The following SIPA1 variants were observed in gnomAD, a reference collection of about 807,000 sequenced individuals.
SIPA1 encodes the protein signal-induced proliferation-associated protein 1.
In SIPA1, 51 loss-of-function variants were observed where a neutral mutation model predicts 88.1. The observed-to-expected ratio is 0.58, with a 90% CI of 0.46 to 0.73. The LOEUF is 0.73. SIPA1 is among the 30% of genes least tolerant of loss of function. The pLI is 0.00. For missense variants in SIPA1, 1,348 were observed against 1,467.6 expected (o/e 0.92, Z 1.33); for synonymous variants, 681 against 664.8 (o/e 1.02, Z -0.37).
At position 65,646,778 on chromosome 11, in the gene SIPA1, G is replaced by C. The variant is rs1238283931; in HGVS notation, c.1744G>C (p.Val582Leu). 7.1e-7 allele frequency: 1 copy of C among 1,412,498 alleles called. No individual in the cohort carries two copies. The highest frequency in any genetic ancestry group is 3.2e-5 in the Admixed American group (1 of 31,584). The allele number at this position is 1,412,498 out of a possible 1,614,324, so 87.5% of individuals were successfully genotyped here. The stretch of plus-strand genomic sequence containing the variant: ...CGAGCTGCAGGCAGCGGGCTCACTG[G>C]TGTGGGGAGTGCGCGCGGCGCCCGG... ...GAELQAAGSL[V>L]WGVRAAPGAR... Residue 582 changes from valine to leucine, a missense_variant, in exon 8 of 16, where the codon GTG (valine) becomes CTG (leucine). This residue lies in a region of SIPA1 where 68 missense variants were observed against 59.0 expected (regional missense o/e 1.15). Coordinates refer to ENST00000534313, the MANE Select transcript of SIPA1 (RefSeq NM_006747.4). This position sits in a 1 kb window ranked among gnomAD's most constrained non-coding sequence, Gnocchi z 7.5.
Position 65,650,576 on chromosome 11 carries a change from C to T in SIPA1, c.2990C>T (p.Ala997Val), listed in dbSNP as rs763702130. 3.1e-6 allele frequency: 5 copies of T among 1,600,854 alleles called. No individual in the cohort carries two copies. The highest frequency in any genetic ancestry group is 4.3e-6 in the Non-Finnish European group (5 of 1,173,508). ...KLQEDLQKEK[A>V]DRAALEEEVR... ...GTCTCCCCGGCACCCCAGGAGAAGG[C>T]GGACAGGGCGGCCCTGGAGGAGGAG... The change falls in exon 16 of 16, where the codon GCG (alanine) becomes GTG (valine). Residue 997 changes from alanine (A) to valine (V), a missense_variant. Around this residue, in one of 4 missense-constraint regions of SIPA1, gnomAD observed 615 missense variants for 559.8 expected, o/e 1.10. Transcript: ENST00000534313.
chr11:65,641,529 G>C lies in SIPA1; in HGVS notation c.608G>C (p.Arg203Pro), dbSNP rs766450213. ...AVSILEEPQNRTSAYSLEHAD... is the reference protein window; with the variant it reads ...AVSILEEPQNPTSAYSLEHAD... ...TCCATCCTGGAGGAGCCACAGAACC[G>C]AACCTCGGCCTACAGCCTGGAGCAC... Residue 203 changes from arginine (R) to proline (P), a missense_variant, in exon 2 of 16, where the codon CGA becomes CCA. By Grantham distance (103) the Arg-to-Pro change is moderately radical. This residue lies in a region of SIPA1 where 641 missense variants were observed against 797.7 expected (regional missense o/e 0.80). Transcript: ENST00000534313. 6.2e-7 allele frequency: 1 copy of C among 1,612,372 alleles called. No homozygotes were observed. The highest frequency in any genetic ancestry group is 1.1e-5 in the South Asian group (1 of 91,078).
rs1206032494 is a variant in SIPA1 at position 65,642,487 on chromosome 11, T to C, written c.832T>C (p.Ser278Pro). Reference protein sequence around the residue: ...TQLRTLRGTISEDALPPGPPR... With the variant: ...TQLRTLRGTIPEDALPPGPPR... The stretch of plus-strand genomic sequence containing the variant: ...GCTCCGGACACTCCGTGGCACCATC[T>C]CGGAGGACGCGCTGCCGCCGGGGCC... The change falls in exon 4 of 16, where the codon TCG (serine) becomes CCG (proline). Residue 278 changes from serine to proline, a missense_variant. Physicochemically the swap from Ser to Pro is moderately conservative, Grantham distance 74. Coordinates refer to ENST00000534313, the MANE Select transcript of SIPA1 (RefSeq NM_006747.4). The surrounding 1 kb of genome is among the most constrained non-coding windows in gnomAD (Gnocchi z 6.5). 1.9e-6 allele frequency: 3 copies of C among 1,611,360 alleles called. No homozygotes were observed. The highest frequency in any genetic ancestry group is 2.5e-6 in the Non-Finnish European group (3 of 1,179,590).
rs1006962232 is a variant in SIPA1, at chr11:65,646,040, G to T, written c.1263+83G>T. ...GGCCCATGACGTTTGAGCTTTGGCC[G>T]GAGCTCTGTTGGCCCCAACAGCCCG... On this transcript the variant is annotated intron_variant, in intron 6 of 15. Coordinates refer to ENST00000534313, the MANE Select transcript of SIPA1 (RefSeq NM_006747.4). The surrounding 1 kb of genome is among the most constrained non-coding windows in gnomAD (Gnocchi z 7.5). 1 of 1,303,302 alleles carries T rather than the reference G, an allele frequency of 7.7e-7. No individual in the cohort carries two copies. Among genetic ancestry groups the T allele is most frequent in the South Asian group, 1.3e-5 (1 of 77,506 alleles). The allele number at this position is 1,303,302 out of a possible 1,614,324, so 80.7% of individuals were successfully genotyped here.
chr11:65,647,090 C>G (rs1297510926), intron 8 of SIPA1, 25 bp downstream of exon 8: 1 of 1,483,768 alleles, frequency 6.7e-7, no homozygotes, highest in Admixed American at 2.3e-5. Context: ...TAAACTGGGG[C>G]CCCTGCGCGC....
chr11:65,650,750 G>A lies in SIPA1; in HGVS notation c.*35G>A. 6.6e-7 allele frequency: 1 copy of A among 1,522,240 alleles called. No individual in the cohort carries two copies. The highest frequency in any genetic ancestry group is 8.8e-7 in the Non-Finnish European group (1 of 1,132,496). The allele number at this position is 1,522,240 out of a possible 1,614,324, so 94.3% of individuals were successfully genotyped here. On this transcript the variant is annotated 3_prime_UTR_variant, in exon 16 of 16. Transcript: ENST00000534313. Reference sequence around the variant, plus strand: ...AACCACCTGGGCCCCTGAGGGCACTGTGGTCACACTGGGCCCTCCTCAGGA... The same window carrying A: ...AACCACCTGGGCCCCTGAGGGCACTATGGTCACACTGGGCCCTCCTCAGGA...
chr11:65,649,803 C>T lies in SIPA1; in HGVS notation c.2684C>T (p.Ala895Val), dbSNP rs1171742249. Residue 895 changes from alanine (A) to valine (V), a missense_variant, in exon 12 of 16, where the codon GCG becomes GTG. By Grantham distance (64) the Ala-to-Val change is moderately conservative. Coordinates refer to ENST00000534313, the MANE Select transcript of SIPA1 (RefSeq NM_006747.4). ...GGCTCTGAGGACAAGGGCAACCCGG[C>T]GCCGGAGCTGAGGGCCTCCTTTCTG... ...PSGSEDKGNP[A>V]PELRASFLPR... 9.3e-6 allele frequency: 15 copies of T among 1,613,936 alleles called. No individual in the cohort carries two copies. Among genetic ancestry groups the T allele is most frequent in the Middle Eastern group, 1.6e-4 (1 of 6,084 alleles).
intron 1 of SIPA1, chr11:65,639,315 G>A (rs1855959904): frequency 1.3e-5 from 2 of 152,360 alleles, no homozygotes; most frequent in South Asian, 4.1e-4. Context: ...CACCATGTTA[G>A]CTAGGCTGGT....
chr11:65,650,200 C>T lies in SIPA1; in HGVS notation c.2903+8C>T, dbSNP rs1488804426. The stretch of plus-strand genomic sequence containing the variant: ...TCCAAAATCTGATGCTGAGTAAGCT[C>T]CCCAACTCCCCACAGCCGCTTTACC... On this transcript the variant is annotated splice_region_variant and intron_variant, in intron 14 of 15. Coordinates refer to ENST00000534313, the MANE Select transcript of SIPA1 (RefSeq NM_006747.4). The T allele has an allele frequency of 5.0e-6, 8 of 1,613,790 alleles. No individual in the cohort carries two copies. Among genetic ancestry groups the T allele is most frequent in the Non-Finnish European group, 6.8e-6 (8 of 1,179,838 alleles).
In SIPA1 at chr11:65,650,355, T is replaced by C. The variant is rs369121123; in HGVS notation, c.2904-46T>C. 29 of 1,596,644 alleles carry C rather than the reference T, an allele frequency of 1.8e-5. No homozygotes were observed. The African/African-American group carries it at 3.1e-4, about 17-fold the overall frequency. Reference sequence around the variant, plus strand: ...TGGGGCTGGGAGTCAGCTGGTGCACTGCCCCCTGCCTTGGTCCTGCTGAGT... The same window carrying C: ...TGGGGCTGGGAGTCAGCTGGTGCACCGCCCCCTGCCTTGGTCCTGCTGAGT... On this transcript the variant is annotated intron_variant, in intron 14 of 15. Coordinates refer to ENST00000534313, the MANE Select transcript of SIPA1 (RefSeq NM_006747.4).
Position 65,644,193 on chromosome 11 carries a change from G to T in SIPA1, c.985-762G>T, listed in dbSNP as rs150008920. ...AAAAGGCCCGGGGTTTGGTAGGCCGGTCTGAATGGGAGGCGGAGATGGGGG... is the reference window on the plus strand; with the variant it reads ...AAAAGGCCCGGGGTTTGGTAGGCCGTTCTGAATGGGAGGCGGAGATGGGGG... On this transcript the variant is annotated intron_variant, in intron 4 of 15. Coordinates refer to ENST00000534313, the MANE Select transcript of SIPA1 (RefSeq NM_006747.4). Among the ~76,000 whole-genome samples, 703 of 151,708 alleles carry T rather than the reference G, an allele frequency of 4.6e-3. 4 individuals carry two copies. Among genetic ancestry groups the T allele is most frequent in the Middle Eastern group, 6.8e-3 (2 of 292 alleles).
chr11:65,650,717 C>A lies in SIPA1; in HGVS notation c.*2C>A. 1 of 1,566,216 alleles carries A rather than the reference C, an allele frequency of 6.4e-7. No individual in the cohort carries two copies. The highest frequency in any genetic ancestry group is 8.7e-7 in the Non-Finnish European group (1 of 1,155,666). On this transcript the variant is annotated 3_prime_UTR_variant, in exon 16 of 16. Coordinates refer to ENST00000534313, the MANE Select transcript of SIPA1 (RefSeq NM_006747.4). ...TCACCCACCGCCGACCTGGCCTGAG[C>A]CGTCTGGAACCACCTGGGCCCCTGA... is the stretch of plus-strand genomic sequence containing the variant.
At position 65,647,287 on chromosome 11, in the gene SIPA1, G is replaced by A. The variant is rs1037895035; in HGVS notation, c.2032-97G>A. On this transcript the variant is annotated intron_variant, in intron 8 of 15. Transcript: ENST00000534313. ...GCACACGCGGCCCTCGGGGACTGTGGAAAGTTCCGTGTGGCCTGGGACGCA... is the reference window on the plus strand; with the variant it reads ...GCACACGCGGCCCTCGGGGACTGTGAAAAGTTCCGTGTGGCCTGGGACGCA... 2.3e-5 allele frequency: 31 copies of A among 1,373,682 alleles called. No individual in the cohort carries two copies. In the Admixed American group the frequency reaches 7.6e-4, roughly 34 times the overall value. 85.1% of individuals were successfully genotyped at this position (1,373,682 alleles called of 1,614,324 possible). A position where few individuals can be genotyped will look rare whatever the true frequency, so the allele number is the denominator to read the frequency against.
At chr11:65,638,527 C>T (rs1310025098) in intron 1 of SIPA1, 1 of 152,270 alleles carries the variant, frequency 6.6e-6, no homozygotes, top group Admixed American at 6.5e-5. Flanking sequence ...GGCTCCTCTT[C>T]TTCTTAGGCG....
rs369872865 is a variant in SIPA1 at position 65,649,676 on chromosome 11, A to G, written c.2637+4A>G. The G allele has an allele frequency of 1.9e-6, 3 of 1,613,900 alleles. No homozygotes were observed. In the African/African-American group the frequency reaches 4.0e-5, roughly 22 times the overall value. On this transcript the variant is annotated splice_donor_region_variant and intron_variant, in intron 11 of 15. Transcript: ENST00000534313. ...CAGTGAGACACCCCTGACCCAGGTG[A>G]GCAGAAACCAGGCTCTGGAGCCCAA...
At position 65,647,013 on chromosome 11, in the gene SIPA1, G is replaced by A. The variant is rs1426473363; in HGVS notation, c.1979G>A (p.Arg660His). ...GGCCGCGGGGAGGCGATCACGCTGCGCTTCGACGGGTCCCCCGGCCAAGCC... is the reference window on the plus strand; with the variant it reads ...GGCCGCGGGGAGGCGATCACGCTGCACTTCGACGGGTCCCCCGGCCAAGCC... ...YHGRGEAITL[R>H]FDGSPGQAVG... The change falls in exon 8 of 16, where the codon CGC becomes CAC. Residue 660 changes from arginine (R) to histidine (H), a missense_variant. Physicochemically the swap from Arg to His is conservative, Grantham distance 29 (BLOSUM62 0). This residue lies in a region of SIPA1 where 615 missense variants were observed against 559.8 expected (regional missense o/e 1.10). Transcript: ENST00000534313. 1 of 1,539,766 alleles carries A rather than the reference G, an allele frequency of 6.5e-7. No homozygotes were observed. The highest frequency in any genetic ancestry group is 2.0e-5 in the Admixed American group (1 of 50,856).
rs752373358 is a variant in SIPA1, at chr11:65,647,338, C to G, written c.2032-46C>G. ...GTCCAGGGGGCGGGCGCTGGGGCGG[C>G]CCCACCTCCCGGCAGCCCCGCCCAC... On this transcript the variant is annotated intron_variant, in intron 8 of 15. Transcript: ENST00000534313. 541 of 1,373,008 alleles carry G rather than the reference C, an allele frequency of 3.9e-4. 2 individuals are homozygous for G. The Admixed American group carries it at 5.8e-3, about 15-fold the overall frequency. 85.1% of individuals were successfully genotyped at this position (1,373,008 alleles called of 1,614,324 possible). A position where few individuals can be genotyped will look rare whatever the true frequency, so the allele number is the denominator to read the frequency against.
In SIPA1 at chr11:65,641,596, C is replaced by T; in HGVS notation, c.675C>T (p.Gly225=). Residue 225 remains glycine, a synonymous_variant, in exon 2 of 16, where the codon GGC becomes GGT. Coordinates refer to ENST00000534313, the MANE Select transcript of SIPA1 (RefSeq NM_006747.4). ...GAGYYRKYFY[G]KEHQNFFGMD... ...GCTACTACCGCAAATACTTCTATGG[C>T]AAAGGTGAGGAAAGGCAGTTCCAGG... 1.9e-6 allele frequency: 3 copies of T among 1,604,442 alleles called. No homozygotes were observed. The highest frequency in any genetic ancestry group is 2.6e-6 in the Non-Finnish European group (3 of 1,175,568).
Position 65,647,426 on chromosome 11 carries a change from C to T in SIPA1, c.2074C>T (p.Arg692Cys). The change falls in exon 9 of 16, where the codon CGC becomes TGC. Residue 692 changes from arginine to cysteine, a missense_variant. Physicochemically the swap from Arg to Cys is radical, Grantham distance 180 (BLOSUM62 -3). Coordinates refer to ENST00000534313, the MANE Select transcript of SIPA1 (RefSeq NM_006747.4). ...CGAGACCCGCGAGCTGGCGCTGCCCCGCGACGGTCAAGGCCGCCTGGGCTT... is the reference window on the plus strand; with the variant it reads ...CGAGACCCGCGAGCTGGCGCTGCCCTGCGACGGTCAAGGCCGCCTGGGCTT... ...GCETRELALP[R>C]DGQGRLGFEV... is the part of the protein sequence containing the mutation. 2.0e-6 allele frequency: 3 copies of T among 1,476,884 alleles called. No homozygotes were observed. Among genetic ancestry groups the T allele is most frequent in the Middle Eastern group, 1.8e-4 (1 of 5,648 alleles). 91.5% of individuals were successfully genotyped at this position (1,476,884 alleles called of 1,614,324 possible).
Sources: gnomAD v4.1 joint callset for allele counts (sites outside exome capture counted in the v4.1 genomes callset) on GRCh38, gnomAD v4.1.1 for gene constraint, gnomAD v4.1.1 regional missense constraint, Gnocchi (gnomAD v3.1) non-coding constraint, MANE v1.5 for transcripts, NCBI Gene and HGNC (gene_info 2026-07-23, HGNC 2026-07-21) for gene names.